The following ADCY9 variants were observed in gnomAD, a reference collection of about 807,000 sequenced individuals.
ADCY9 encodes the protein adenylate cyclase type 9.
In ADCY9, 50 loss-of-function variants were observed where a neutral mutation model predicts 101.5. The observed-to-expected ratio is 0.49, with a 90% CI of 0.39 to 0.62. The LOEUF (loss-of-function observed/expected upper bound fraction) is 0.62. ADCY9 is among the 20% of genes least tolerant of loss of function. ADCY9 has a pLI of 0.00. For missense variants in ADCY9, 1,662 were observed against 1,800.4 expected, an observed-to-expected ratio of 0.92 and a Z score of 1.39; for synonymous variants, 905 against 769.3, an observed-to-expected ratio of 1.18 and a Z score of -2.92.
At chr16:3,976,571 G>A (rs2056094297) in intron 9 of ADCY9, among the ~76,000 whole-genome samples, 1 of 152,124 alleles carries the variant, frequency 6.6e-6, no homozygotes, top group Admixed American at 6.5e-5. Context: ...AGTATGCAGA[G>A]GATTTCAAAA....
chr16:4,113,295 T>G (rs1472468675), intron 2 of ADCY9, among the ~76,000 whole-genome samples: 2 of 152,076 alleles, frequency 1.3e-5, no homozygotes, highest in Non-Finnish European at 2.9e-5. Flanking sequence ...ATAAGCAAAG[T>G]GAGGCCTAGA....
At chr16:4,110,978 C>T (rs946022712) in intron 2 of ADCY9, among the ~76,000 whole-genome samples, 1 of 152,084 alleles carries the variant, frequency 6.6e-6, no homozygotes, top group Non-Finnish European at 1.5e-5. Context: ...ACGGATCCTG[C>T]TCCACGATCA....
intron 2 of ADCY9, among the ~76,000 whole-genome samples, chr16:4,050,030 CA>C (rs113915998): frequency 0.1 from 12,018 of 114,574 alleles, 1,593 homozygotes; most frequent in African/African-American, 0.33. Flanking sequence ...GACTGTGTCT[CA>C]AAAAAAAAAA....
At chr16:4,087,880 T>C (rs1331382552) in intron 2 of ADCY9, among the ~76,000 whole-genome samples, 2 of 151,650 alleles carry the variant, frequency 1.3e-5, no homozygotes, top group African/African-American at 4.8e-5. Flanking sequence ...TTTCTGTCTC[T>C]CTCGCTCTCT....
At chr16:4,008,354 G>T (rs909638110) in intron 2 of ADCY9, among the ~76,000 whole-genome samples, 4 of 152,162 alleles carry the variant, frequency 2.6e-5, no homozygotes, top group Non-Finnish European at 5.9e-5. Context: ...TGGGAAGATG[G>T]CAAAGGAGCA....
chr16:4,011,640 T>C (rs964723864), intron 2 of ADCY9, among the ~76,000 whole-genome samples: 5 of 152,194 alleles, frequency 3.3e-5, no homozygotes, highest in Non-Finnish European at 7.3e-5. Flanking sequence ...CCTAATCCCG[T>C]GATCTAAGTG....
At chr16:4,032,458 A>G (rs1387787847) in intron 2 of ADCY9, among the ~76,000 whole-genome samples, 2 of 151,976 alleles carry the variant, frequency 1.3e-5, no homozygotes, top group Admixed American at 6.6e-5. Context: ...CGGTCACCTT[A>G]TAACAATCAG....
intron 2 of ADCY9, among the ~76,000 whole-genome samples, chr16:4,041,840 C>G (rs2056629016): frequency 6.7e-6 from 1 of 149,706 alleles, no homozygotes; most frequent in Non-Finnish European, 1.5e-5. Flanking sequence ...AAGCCTCGAT[C>G]ACCTGGGCCC....
intron 2 of ADCY9, among the ~76,000 whole-genome samples, chr16:4,067,924 C>T (rs1597205658): frequency 6.6e-6 from 1 of 152,092 alleles, no homozygotes; most frequent in Admixed American, 6.5e-5. Context: ...TGAAAAACTG[C>T]AACATAGAAT....
At chr16:4,020,547 C>T (rs893032663) in intron 2 of ADCY9, among the ~76,000 whole-genome samples, 6 of 152,088 alleles carry the variant, frequency 3.9e-5, no homozygotes, top group Non-Finnish European at 1.5e-5. Flanking sequence ...ATAAGCCAGG[C>T]GTGGTGGCTC....
intron 2 of ADCY9, chr16:4,032,665 A>T (rs2056563927): frequency 6.6e-6 from 1 of 151,828 alleles, no homozygotes; most frequent in East Asian, 2.0e-4. Flanking sequence ...GCCCACCACC[A>T]TGCCCGGCTA....
downstream of ADCY9, among the ~76,000 whole-genome samples, chr16:3,958,375 C>A (rs1392857426): frequency 6.6e-6 from 1 of 151,888 alleles, no homozygotes; most frequent in Non-Finnish European, 1.5e-5. Context: ...TCCATCTCTA[C>A]TAAAAATACA....
chr16:4,013,253 AAAAAAG>A (rs2056415476), intron 2 of ADCY9, among the ~76,000 whole-genome samples: 2 of 17,214 alleles, frequency 1.2e-4, no homozygotes, highest in South Asian at 0.031. Context: ...GTCTCAAAAA[AAAAAAG>A]AAAAAGAAAA....
intron 5 of ADCY9, among the ~76,000 whole-genome samples, chr16:3,990,191 G>A (rs72762740): frequency 0.047 from 7,145 of 152,182 alleles, 242 homozygotes; most frequent in Admixed American, 0.082. Flanking sequence ...GAGGCTGGGC[G>A]CGGTGGCTCA....
intron 2 of ADCY9, among the ~76,000 whole-genome samples, chr16:4,048,448 C>T (rs1335833286): frequency 6.6e-6 from 1 of 152,028 alleles, no homozygotes; most frequent in African/African-American, 2.4e-5. Flanking sequence ...CTCTTTGTTC[C>T]GCAAATGGCA....
intron 2 of ADCY9, among the ~76,000 whole-genome samples, chr16:4,044,538 A>G (rs2056649569): frequency 6.6e-6 from 1 of 152,220 alleles, no homozygotes; most frequent in South Asian, 2.1e-4. Flanking sequence ...TCTCCATTAT[A>G]AACCTATGGA....
At chr16:3,997,767 G>A (rs2056298817) in intron 3 of ADCY9, among the ~76,000 whole-genome samples, 1 of 152,210 alleles carries the variant, frequency 6.6e-6, no homozygotes, top group Non-Finnish European at 1.5e-5. Context: ...GTGTCACCCG[G>A]ACCCAGCAGC....
At chr16:4,003,328 G>A (rs58381548) in intron 3 of ADCY9, among the ~76,000 whole-genome samples, 8,184 of 152,154 alleles carry the variant, frequency 0.054, 386 homozygotes, top group African/African-American at 0.13. Context: ...AGCTGGGACC[G>A]TCTCTCGGCC....
chr16:4,018,224 T>G (rs1168595489), intron 2 of ADCY9, among the ~76,000 whole-genome samples: 1 of 151,672 alleles, frequency 6.6e-6, no homozygotes, highest in Non-Finnish European at 1.5e-5. Context: ...CTTTTTTTTT[T>G]TTTTTTTGAG....
Sources: allele counts gnomAD v4.1 joint callset (sites outside exome capture counted in the v4.1 genomes callset), GRCh38; gene constraint gnomAD v4.1.1; transcripts MANE v1.5; gene names NCBI Gene and HGNC (gene_info 2026-07-23, HGNC 2026-07-21).